The following IGSF5 variants were observed in gnomAD, a reference collection of about 807,000 sequenced individuals.
IGSF5 encodes the protein immunoglobulin superfamily member 5.
A neutral mutation model predicts 39.4 loss-of-function variants in IGSF5; 41 were observed. That is an observed-to-expected ratio of 1.04 (90% CI 0.81 to 1.35). IGSF5 has a LOEUF of 1.35. Ranked by LOEUF, IGSF5 falls within the 40% of genes most tolerant of loss-of-function variation. The pLI is 0.00. For synonymous variants in IGSF5, 183 were observed against 175.3 expected, an observed-to-expected ratio of 1.04 and a Z score of -0.34; for missense variants, 487 against 494.6, an observed-to-expected ratio of 0.98 and a Z score of 0.15.
chr21:39,776,744 G>A (rs1196356269), intron 4 of IGSF5, among the ~76,000 whole-genome samples: 1 of 152,166 alleles, frequency 6.6e-6, no homozygotes, highest in Non-Finnish European at 1.5e-5. Flanking sequence ...TCGTATTTCT[G>A]TCTAGTAGGG....
At chr21:39,764,660 C>T (rs1381668055) in intron 2 of IGSF5, among the ~76,000 whole-genome samples, 1 of 152,128 alleles carries the variant, frequency 6.6e-6, no homozygotes, top group Non-Finnish European at 1.5e-5. Context: ...TTTGACTTTA[C>T]AAGGCAGAAG....
At chr21:39,784,671 T>C (rs1394412415) in intron 5 of IGSF5, among the ~76,000 whole-genome samples, 3 of 133,592 alleles carry the variant, frequency 2.2e-5, no homozygotes, top group African/African-American at 8.4e-5. Context: ...TGCCACAGCC[T>C]ACTTACAATG....
At chr21:39,767,665 A>C (rs1195233006) in intron 3 of IGSF5, among the ~76,000 whole-genome samples, 1 of 152,246 alleles carries the variant, frequency 6.6e-6, no homozygotes, top group Non-Finnish European at 1.5e-5. Context: ...TCAAAGAGGA[A>C]TAGAATAAGA....
intron 3 of IGSF5, 36 bp from the exon 4 acceptor site, chr21:39,770,880 C>T: frequency 7.4e-7 from 1 of 1,348,606 alleles, no homozygotes; most frequent in Non-Finnish European, 9.7e-7. Context: ...GAGGCATGGT[C>T]ATGTCTTCAA....
At chr21:39,758,831 GATT>G (rs2080046422) in intron 2 of IGSF5, among the ~76,000 whole-genome samples, 2 of 152,178 alleles carry the variant, frequency 1.3e-5, no homozygotes, top group Admixed American at 1.3e-4. Context: ...TTCCCAACTA[GATT>G]ATAAACTCCT....
At chr21:39,755,634 T>G (rs1362012685) in intron 2 of IGSF5, among the ~76,000 whole-genome samples, 2 of 151,820 alleles carry the variant, frequency 1.3e-5, no homozygotes, top group Non-Finnish European at 2.9e-5. Context: ...CACTTCATAA[T>G]TCTGGATTTT....
chr21:39,732,428 C>T, the IGSF5 span, among the ~76,000 whole-genome samples: 1 of 152,292 alleles, frequency 6.6e-6, no homozygotes, highest in East Asian at 1.9e-4. Context: ...ACCGTAAGTA[C>T]ACATTGTTCT....
intron 5 of IGSF5, among the ~76,000 whole-genome samples, chr21:39,785,648 A>C (rs2080196841): frequency 6.6e-6 from 1 of 152,226 alleles, no homozygotes; most frequent in Middle Eastern, 3.4e-3. Flanking sequence ...TACCTTGGGC[A>C]GTATGGCCAT....
At chr21:39,735,028 T>C in the IGSF5 span, among the ~76,000 whole-genome samples, 2 of 152,052 alleles carry the variant, frequency 1.3e-5, no homozygotes, top group Admixed American at 6.6e-5. Flanking sequence ...CACACCTGGA[T>C]AATTTTTGTA....
At chr21:39,756,254 TA>T (rs2080030178) in intron 2 of IGSF5, among the ~76,000 whole-genome samples, 1 of 152,228 alleles carries the variant, frequency 6.6e-6, no homozygotes, top group Non-Finnish European at 1.5e-5. Flanking sequence ...GTAATGCACT[TA>T]AATGCTAAAT....
intron 2 of IGSF5, among the ~76,000 whole-genome samples, chr21:39,759,300 T>C (rs1489330190): frequency 6.6e-6 from 1 of 152,226 alleles, no homozygotes; most frequent in East Asian, 1.9e-4. Context: ...TGTTTGGGGA[T>C]GAAGATATTC....
chr21:39,753,481 T>G (rs529668299), intron 2 of IGSF5, among the ~76,000 whole-genome samples: 1 of 152,306 alleles, frequency 6.6e-6, no homozygotes, highest in African/African-American at 2.4e-5. Context: ...TGTAAATATC[T>G]GTAAGTTCCA....
chr21:39,712,789 G>A, the IGSF5 span, among the ~76,000 whole-genome samples: 1 of 152,096 alleles, frequency 6.6e-6, no homozygotes, highest in Admixed American at 6.5e-5. Flanking sequence ...AACTAACATA[G>A]AACATGACCA....
chr21:39,784,141 G>A (rs1296763925), intron 5 of IGSF5, among the ~76,000 whole-genome samples: 1 of 152,194 alleles, frequency 6.6e-6, no homozygotes, highest in Non-Finnish European at 1.5e-5. Flanking sequence ...GTAAACTCCT[G>A]TTGGACCTAA....
intron 2 of IGSF5, among the ~76,000 whole-genome samples, chr21:39,757,697 C>A (rs1242425321): frequency 6.6e-6 from 1 of 151,986 alleles, no homozygotes; most frequent in Non-Finnish European, 1.5e-5. Context: ...CTGCCTCAGC[C>A]TCCTGAGTAC....
the IGSF5 span, among the ~76,000 whole-genome samples, chr21:39,714,274 G>T: frequency 6.6e-6 from 1 of 152,210 alleles, no homozygotes; most frequent in African/African-American, 2.4e-5. Flanking sequence ...CTTGGAAGCA[G>T]CCTGATTAGT....
chr21:39,727,151 T>C, the IGSF5 span, among the ~76,000 whole-genome samples: 3 of 152,208 alleles, frequency 2.0e-5, no homozygotes, highest in Non-Finnish European at 2.9e-5. Flanking sequence ...GTGTAACTCC[T>C]AGTGACCCAC....
intron 4 of IGSF5, among the ~76,000 whole-genome samples, chr21:39,774,639 G>GTA (rs2080130699): frequency 2.6e-5 from 4 of 152,190 alleles, no homozygotes; most frequent in Admixed American, 1.3e-4. Context: ...GAGTGAGGCC[G>GTA]TCTCACCCTG....
intron 2 of IGSF5, among the ~76,000 whole-genome samples, chr21:39,746,855 C>T (rs963766452): frequency 1.3e-5 from 2 of 152,134 alleles, no homozygotes; most frequent in African/African-American, 2.4e-5. Flanking sequence ...TGCCTCTATT[C>T]GCCCTTCAAG....
Sources: gnomAD v4.1 joint callset for allele counts (sites outside exome capture counted in the v4.1 genomes callset) on GRCh38, gnomAD v4.1.1 for gene constraint, MANE v1.5 for transcripts, NCBI Gene and HGNC (gene_info 2026-07-23, HGNC 2026-07-21) for gene names.